The following GALNT13 variants were observed in gnomAD, a reference collection of about 807,000 sequenced individuals.
GALNT13 encodes the protein polypeptide N-acetylgalactosaminyltransferase 13, also known as UDP-GalNAc:polypeptide N-acetylgalactosaminyltransferase 13.
Under a neutral mutation model 64.2 loss-of-function variants are expected in GALNT13, and 28 were observed. The observed-to-expected ratio is 0.44, with a 90% CI of 0.32 to 0.60. GALNT13 has a LOEUF of 0.60. Ranked by LOEUF, GALNT13 falls within the 20% of genes least tolerant of loss-of-function variation. The probability of loss-of-function intolerance (pLI) is 0.05; values close to 1 mark genes in which losing one functional copy is unlikely to be tolerated. For synonymous variants in GALNT13, 214 were observed against 224.6 expected (o/e 0.95, Z 0.42); for missense variants, 577 against 669.8 (o/e 0.86, Z 1.53).
chr2:153,674,934 C>T, the GALNT13 span, among the ~76,000 whole-genome samples: 10 of 152,134 alleles, frequency 6.6e-5, no homozygotes, highest in Admixed American at 5.2e-4. Context: ...ATCCAACAGA[C>T]ATATGAAAAA....
chr2:154,018,441 C>T lies in GALNT13; in HGVS notation c.142+73802C>T, dbSNP rs143952678. On this transcript the variant is annotated intron_variant, in intron 3 of 12. Coordinates refer to ENST00000392825, the MANE Select transcript of GALNT13 (RefSeq NM_052917.4). Reference sequence around the variant, plus strand: ...TGGGTCTCATAGATATCAGTCTCTGCGGTCACTTGAATTAAGTTATTGTAA... The same window carrying T: ...TGGGTCTCATAGATATCAGTCTCTGTGGTCACTTGAATTAAGTTATTGTAA... Among the ~76,000 whole-genome samples the T allele has an allele frequency of 2.9e-4, 44 of 152,218 alleles. No homozygotes were observed. In the South Asian group the frequency reaches 3.7e-3, roughly 13 times the overall value.
At chr2:153,289,796 C>T in the GALNT13 span, among the ~76,000 whole-genome samples, 7 of 152,246 alleles carry the variant, frequency 4.6e-5, no homozygotes, top group South Asian at 8.3e-4. Flanking sequence ...TGGGGTCCAA[C>T]TTAGCACCAT....
At chr2:154,243,769 A>G (rs931294734) in intron 6 of GALNT13, among the ~76,000 whole-genome samples, 3 of 152,232 alleles carry the variant, frequency 2.0e-5, no homozygotes, top group South Asian at 2.1e-4. Context: ...CCATACTTGC[A>G]TAGTCATTTC....
the GALNT13 span, among the ~76,000 whole-genome samples, chr2:153,416,708 T>G: frequency 0.033 from 5,062 of 152,298 alleles, 303 homozygotes; most frequent in African/African-American, 0.12. Flanking sequence ...TATTAGTTGA[T>G]TCAACAAATA....
chr2:153,427,220 C>G, the GALNT13 span, among the ~76,000 whole-genome samples: 2 of 151,888 alleles, frequency 1.3e-5, no homozygotes, highest in African/African-American at 4.8e-5. Context: ...ACAGTGTAAT[C>G]AGGTTGACCA....
At chr2:153,301,858 G>C in the GALNT13 span, among the ~76,000 whole-genome samples, 1 of 149,610 alleles carries the variant, frequency 6.7e-6, no homozygotes, top group African/African-American at 2.5e-5. Context: ...GCTTTTTTAA[G>C]GTTGAATAGT....
chr2:154,146,138 A>G (rs113813942), intron 4 of GALNT13, among the ~76,000 whole-genome samples: 18,490 of 104,832 alleles, frequency 0.18, 1,205 homozygotes, highest in Middle Eastern at 0.26. Context: ...GTGTGTGTGT[A>G]TATATATATA....
At chr2:153,182,716 G>C in the GALNT13 span, among the ~76,000 whole-genome samples, 38 of 152,132 alleles carry the variant, frequency 2.5e-4, no homozygotes, top group Admixed American at 2.6e-4. Context: ...TGAGGTGTTT[G>C]GTTTTTTGTT....
chr2:154,047,192 T>C (rs1699335861), intron 3 of GALNT13, among the ~76,000 whole-genome samples: 1 of 152,184 alleles, frequency 6.6e-6, no homozygotes, highest in African/African-American at 2.4e-5. Flanking sequence ...TTATTCATTT[T>C]GCTAGAAATT....
At chr2:153,901,252 G>A (rs534727891) in intron 2 of GALNT13, among the ~76,000 whole-genome samples, 27 of 152,098 alleles carry the variant, frequency 1.8e-4, no homozygotes, top group East Asian at 9.7e-4. Context: ...GTTTGAAGTC[G>A]GGTAATGTGA....
chr2:153,706,053 G>A, the GALNT13 span, among the ~76,000 whole-genome samples: 10 of 152,008 alleles, frequency 6.6e-5, no homozygotes, highest in Admixed American at 1.3e-4. Context: ...CTGCAGTGCA[G>A]TGGTGCGATC....
the GALNT13 span, among the ~76,000 whole-genome samples, chr2:153,374,713 A>G: frequency 8.8e-3 from 1,346 of 152,232 alleles, 12 homozygotes; most frequent in Non-Finnish European, 0.014. Context: ...AAAGGAGGGA[A>G]GGAGACTGAG....
chr2:154,412,811 CT>C (rs1442013877), intron 11 of GALNT13, among the ~76,000 whole-genome samples: 1 of 151,680 alleles, frequency 6.6e-6, no homozygotes, highest in African/African-American at 2.4e-5. Context: ...TTGAAGTGCT[CT>C]TTTTTTAAAG....
At chr2:154,071,210 G>T (rs1361720395) in intron 3 of GALNT13, among the ~76,000 whole-genome samples, 1 of 151,966 alleles carries the variant, frequency 6.6e-6, no homozygotes. Context: ...AAGCATCATG[G>T]CTTCTTTGCC....
At chr2:153,360,915 C>A in the GALNT13 span, among the ~76,000 whole-genome samples, 1 of 152,184 alleles carries the variant, frequency 6.6e-6, no homozygotes, top group South Asian at 2.1e-4. Flanking sequence ...TGCCACCCAA[C>A]TGGGTAAGAC....
At chr2:153,703,697 G>C in the GALNT13 span, among the ~76,000 whole-genome samples, 1 of 151,990 alleles carries the variant, frequency 6.6e-6, no homozygotes, top group Non-Finnish European at 1.5e-5. Flanking sequence ...TCTATGTTTA[G>C]CCTTATCAAA....
At chr2:153,412,338 C>T in the GALNT13 span, among the ~76,000 whole-genome samples, 1 of 152,156 alleles carries the variant, frequency 6.6e-6, no homozygotes, top group African/African-American at 2.4e-5. Flanking sequence ...TGTCAGTTAG[C>T]CTCTTTGAGG....
the GALNT13 span, among the ~76,000 whole-genome samples, chr2:153,794,678 G>A: frequency 3.3e-5 from 5 of 151,916 alleles, no homozygotes; most frequent in South Asian, 2.1e-4. Flanking sequence ...CCACCACTGC[G>A]CCCAGCTAAT....
chr2:154,178,521 C>G (rs1438242595), intron 4 of GALNT13, among the ~76,000 whole-genome samples: 1 of 152,070 alleles, frequency 6.6e-6, no homozygotes, highest in Admixed American at 6.5e-5. Flanking sequence ...ATATATGTAA[C>G]AAACCTGCAC....
Sources: allele counts gnomAD v4.1 joint callset (sites outside exome capture counted in the v4.1 genomes callset), GRCh38; gene constraint gnomAD v4.1.1; transcripts MANE v1.5; gene names NCBI Gene and HGNC (gene_info 2026-07-23, HGNC 2026-07-21).